The following TNN variants were observed in gnomAD, a reference collection of about 807,000 sequenced individuals.
The protein encoded by TNN is tenascin-N.
In TNN, 122 loss-of-function variants were observed where a neutral mutation model predicts 134.4. That is an observed-to-expected ratio of 0.91 (90% CI 0.78 to 1.06). The LOEUF (loss-of-function observed/expected upper bound fraction) is 1.06. Ranked by LOEUF, TNN falls within the 50% of genes least tolerant of loss-of-function variation. The pLI, the probability that TNN is intolerant of heterozygous loss-of-function variation, is 0.00. For missense variants in TNN, 1,739 were observed against 1,699.4 expected (o/e 1.02, Z -0.41); for synonymous variants, 710 against 670.3 (o/e 1.06, Z -0.91).
At position 175,091,559 on chromosome 1, in the gene TNN, TTTTATTTA is replaced by T. The variant is rs199865867; in HGVS notation, c.1325-2391_1325-2384del. On this transcript the variant is annotated intron_variant, in intron 6 of 18. Transcript: ENST00000239462. ...TTATTTATTTACTTTTATTTATTAT[TTTTATTTA>T]TTTATTTATTTATTTATTTATTTAT... Among the ~76,000 whole-genome samples the T allele has an allele frequency of 4.6e-3, 647 of 141,674 alleles. 3 individuals are homozygous for T. Among genetic ancestry groups the T allele is most frequent in the African/African-American group, 0.011 (427 of 38,552 alleles). The allele number at this position is 141,674 out of a possible 152,430, so 92.9% of individuals were successfully genotyped here.
At chr1:175,073,898 C>G (rs1451340139) in intron 1 of TNN, among the ~76,000 whole-genome samples, 3 of 150,262 alleles carry the variant, frequency 2.0e-5, no homozygotes, top group Non-Finnish European at 4.4e-5. Context: ...GTGGCACACT[C>G]CTGCTGAACG....
chr1:175,092,611 A>G (rs1384418293), intron 6 of TNN, among the ~76,000 whole-genome samples: 1 of 152,230 alleles, frequency 6.6e-6, no homozygotes, highest in Admixed American at 6.5e-5. Flanking sequence ...CTTAGGACAT[A>G]GACATATAAA....
intron 6 of TNN, among the ~76,000 whole-genome samples, chr1:175,086,273 T>C (rs1674322846): frequency 6.6e-6 from 1 of 152,238 alleles, no homozygotes; most frequent in Non-Finnish European, 1.5e-5. Flanking sequence ...TATGTTGTCA[T>C]CTGTGTATTG....
intron 6 of TNN, among the ~76,000 whole-genome samples, chr1:175,086,088 C>T (rs1390531973): frequency 6.6e-6 from 1 of 152,112 alleles, no homozygotes; most frequent in African/African-American, 2.4e-5. Flanking sequence ...TCTATCACCG[C>T]GTTGTTTTTA....
chr1:175,090,831 C>T (rs568131665), intron 6 of TNN, among the ~76,000 whole-genome samples: 10 of 152,312 alleles, frequency 6.6e-5, no homozygotes, highest in Admixed American at 1.3e-4. Flanking sequence ...TCCAGTTTTA[C>T]AAACCTTACT....
chr1:175,087,182 C>T (rs1389283253), intron 6 of TNN, among the ~76,000 whole-genome samples: 1 of 152,124 alleles, frequency 6.6e-6, no homozygotes, highest in African/African-American at 2.4e-5. Context: ...GAGAAAGAAA[C>T]ATGGAATCAC....
intron 9 of TNN, among the ~76,000 whole-genome samples, chr1:175,110,862 T>C (rs895964988): frequency 6.6e-6 from 1 of 152,192 alleles, no homozygotes; most frequent in Non-Finnish European, 1.5e-5. Flanking sequence ...TCTTCTGTGG[T>C]TCCATATGAA....
intron 12 of TNN, among the ~76,000 whole-genome samples, chr1:175,125,852 TTTCTTTTTTCTTTTTCTTTCTTTC>T (rs1675515102): frequency 7.3e-6 from 1 of 136,448 alleles, no homozygotes; most frequent in Non-Finnish European, 1.6e-5. Flanking sequence ...TTTTTCTTTC[TTTCTTTTTTCTTTTTCTTTCTTTC>T]TTTTCTTTTT....
intron 17 of TNN, 125 bp downstream of exon 17, chr1:175,137,113 C>A: frequency 2.0e-6 from 2 of 998,140 alleles, no homozygotes; most frequent in Non-Finnish European, 2.9e-6. Context: ...TTCTCATTGA[C>A]AGTGGAGGTC....
In TNN at chr1:175,080,415, T is replaced by C; in HGVS notation, c.1037T>C (p.Leu346Pro). Residue 346 changes from leucine (L) to proline (P), a missense_variant, in exon 4 of 19, where the codon CTT becomes CCT. Leu to Pro is a moderately conservative substitution (Grantham distance 98, BLOSUM62 -3). Coordinates refer to ENST00000239462, the MANE Select transcript of TNN (RefSeq NM_022093.2). ...GTTTCTAGCAGCCCACAGCATCTAC[T>C]TGCCACCACAGGTGAGGAAGCCACC... Reference protein sequence around the residue: ...NEVSSSPQHLLATTDLAVLGT... With the variant: ...NEVSSSPQHLPATTDLAVLGT... 2 of 1,613,988 alleles carry C rather than the reference T, an allele frequency of 1.2e-6. No individual in the cohort carries two copies. The highest frequency in any genetic ancestry group is 1.7e-6 in the Non-Finnish European group (2 of 1,179,886).
chr1:175,112,203 G>A (rs558418945), intron 9 of TNN, among the ~76,000 whole-genome samples: 11 of 152,106 alleles, frequency 7.2e-5, no homozygotes, highest in Middle Eastern at 3.4e-3. Context: ...ATCATGAAAC[G>A]TTGTTGAATG....
chr1:175,146,910 C>T lies in TNN; in HGVS notation c.3760-21C>T, dbSNP rs1574185523. ...TCCTAAGAGCCTCTTCTTGATGTGG[C>T]TTTTTTTTTTTTTTTGGTAGGGGGT... On this transcript the variant is annotated intron_variant, in intron 18 of 18. Coordinates refer to ENST00000239462, the MANE Select transcript of TNN (RefSeq NM_022093.2). 3.4e-5 allele frequency: 46 copies of T among 1,340,298 alleles called. 2 individuals are homozygous for T. In the South Asian group the frequency reaches 6.7e-4, roughly 19 times the overall value. The allele number at this position is 1,340,298 out of a possible 1,614,324, so 83.0% of individuals were successfully genotyped here. A position where few individuals can be genotyped will look rare whatever the true frequency, so the allele number is the denominator to read the frequency against.
intron 15 of TNN, among the ~76,000 whole-genome samples, chr1:175,133,787 T>C (rs935700010): frequency 6.6e-6 from 1 of 152,272 alleles, no homozygotes; most frequent in Middle Eastern, 3.4e-3. Context: ...ACAAACACAG[T>C]GTATTTTTCT....
At position 175,080,265 on chromosome 1, in the gene TNN, AC is replaced by A. The variant is rs34902018; in HGVS notation, c.892del (p.Leu298TrpfsTer31). ...GTGGATCACTACCTCCTCAGCTACT[AC>A]CCCCTGGGGAAGGAGCTCTCTGGGA... is the stretch of plus-strand genomic sequence containing the variant. ...SQVDHYLLSY[Y>X]PLGKELSGKQ... On this transcript the variant is annotated frameshift_variant, in exon 4 of 19. Transcript: ENST00000239462. LOFTEE classifies it high-confidence loss of function. 6.2e-7 allele frequency: 1 copy of A among 1,613,858 alleles called. No individual in the cohort carries two copies. The highest frequency in any genetic ancestry group is 8.5e-7 in the Non-Finnish European group (1 of 1,179,934).
intron 15 of TNN, among the ~76,000 whole-genome samples, chr1:175,131,820 C>A (rs996388569): frequency 1.3e-5 from 2 of 151,862 alleles, no homozygotes; most frequent in African/African-American, 4.8e-5. Flanking sequence ...CCCAAAGACA[C>A]AACTAGTAAG....
chr1:175,141,749 T>C (rs1244878212), intron 17 of TNN, among the ~76,000 whole-genome samples: 2 of 152,148 alleles, frequency 1.3e-5, no homozygotes, highest in African/African-American at 2.4e-5. Flanking sequence ...TTTGATGAGA[T>C]GGATGGTGAC....
In TNN at chr1:175,101,890, T is replaced by C. The variant is rs554686431; in HGVS notation, c.2119+3295T>C. 1.3e-3 allele frequency among the ~76,000 whole-genome samples: 193 copies of C among 144,510 alleles called. 2 individuals are homozygous for C. The highest frequency in any genetic ancestry group is 2.5e-3 in the Admixed American group (36 of 14,508). The allele number at this position is 144,510 out of a possible 152,430, so 94.8% of individuals were successfully genotyped here. ...AAACAGAGGGTGCTGATTGGTGTATTTACAAACCTTGAGCTAGATACAGAG... is the reference window on the plus strand; with the variant it reads ...AAACAGAGGGTGCTGATTGGTGTATCTACAAACCTTGAGCTAGATACAGAG... On this transcript the variant is annotated intron_variant, in intron 9 of 18. Coordinates refer to ENST00000239462, the MANE Select transcript of TNN (RefSeq NM_022093.2).
At chr1:175,077,974 T>A in intron 2 of TNN, 147 bp downstream of exon 2, 1 of 822,926 alleles carries the variant, frequency 1.2e-6, no homozygotes, top group South Asian at 1.9e-5. Flanking sequence ...CCATCCCTGC[T>A]ATTTATTCAT....
intron 17 of TNN, among the ~76,000 whole-genome samples, chr1:175,138,621 A>G (rs539287669): frequency 1.7e-3 from 262 of 152,312 alleles, no homozygotes; most frequent in African/African-American, 5.7e-3. Context: ...AAAAAAAAGC[A>G]TTGCAGCTAG....
Sources: allele counts gnomAD v4.1 joint callset (sites outside exome capture counted in the v4.1 genomes callset), GRCh38; gene constraint gnomAD v4.1.1; transcripts MANE v1.5; gene names NCBI Gene and HGNC (gene_info 2026-07-23, HGNC 2026-07-21).